The following LUZP2 variants were observed in gnomAD, a reference collection of about 807,000 sequenced individuals.
LUZP2 encodes leucine zipper protein 2.
In LUZP2, 52 loss-of-function variants were observed where a neutral mutation model predicts 51.6. The ratio of observed to expected loss-of-function variants is 1.01; its 90% CI spans 0.81 to 1.27. The LOEUF is 1.27. Ranked by LOEUF, LUZP2 falls within the 50% of genes most tolerant of loss-of-function variation. The pLI, the probability that LUZP2 is intolerant of heterozygous loss-of-function variation, is 0.00. For missense variants in LUZP2, 436 were observed against 395.4 expected (o/e 1.10, Z -0.87); for synonymous variants, 154 against 137.3 (o/e 1.12, Z -0.85).
At chr11:24,822,720 T>G (rs1850397013) in intron 5 of LUZP2, among the ~76,000 whole-genome samples, 1 of 152,202 alleles carries the variant, frequency 6.6e-6, no homozygotes, top group Non-Finnish European at 1.5e-5. Flanking sequence ...TAGGGTAGTA[T>G]TTCTCAATAT....
At chr11:24,547,399 C>A (rs1261636677) in intron 1 of LUZP2, among the ~76,000 whole-genome samples, 1 of 151,824 alleles carries the variant, frequency 6.6e-6, no homozygotes, top group Non-Finnish European at 1.5e-5. Flanking sequence ...GTTAGAGAAC[C>A]CAAAAGTAAA....
intron 1 of LUZP2, among the ~76,000 whole-genome samples, chr11:24,654,365 T>C (rs1855731340): frequency 6.6e-6 from 1 of 152,202 alleles, no homozygotes; most frequent in Non-Finnish European, 1.5e-5. Context: ...CTAGAAGTGA[T>C]GATTTAACTT....
intron 4 of LUZP2, among the ~76,000 whole-genome samples, chr11:24,751,852 C>G (rs1316674405): frequency 6.6e-6 from 1 of 151,854 alleles, no homozygotes; most frequent in African/African-American, 2.4e-5. Flanking sequence ...TTTAGTTAAG[C>G]ATGTTAAATA....
chr11:24,936,981 T>C (rs1310717477), intron 7 of LUZP2, among the ~76,000 whole-genome samples: 2 of 152,108 alleles, frequency 1.3e-5, no homozygotes, highest in African/African-American at 4.8e-5. Flanking sequence ...TATTATATCA[T>C]ATGTGAAAAC....
intron 1 of LUZP2, among the ~76,000 whole-genome samples, chr11:24,566,745 T>A (rs1157880727): frequency 1.4e-5 from 2 of 146,492 alleles, no homozygotes; most frequent in Non-Finnish European, 1.5e-5. Context: ...TTATATATAA[T>A]GTATGTATAC....
intron 1 of LUZP2, among the ~76,000 whole-genome samples, chr11:24,595,197 T>TAAC (rs1853401468): frequency 7.2e-6 from 1 of 139,336 alleles, no homozygotes; most frequent in African/African-American, 2.7e-5. Flanking sequence ...AAAAAAAAAG[T>TAAC]GTAGGTCACA....
chr11:24,620,882 T>C (rs1216934252), intron 1 of LUZP2, among the ~76,000 whole-genome samples: 1 of 152,206 alleles, frequency 6.6e-6, no homozygotes, highest in East Asian at 1.9e-4. Context: ...AGTGAGAACA[T>C]ATAAGATTAT....
At chr11:24,922,406 A>G (rs1854089158) in intron 7 of LUZP2, among the ~76,000 whole-genome samples, 2 of 152,166 alleles carry the variant, frequency 1.3e-5, no homozygotes, top group African/African-American at 4.8e-5. Context: ...AGATATCTAT[A>G]AGGGAATTTT....
At chr11:24,812,515 A>C (rs1463738386) in intron 5 of LUZP2, among the ~76,000 whole-genome samples, 1 of 152,208 alleles carries the variant, frequency 6.6e-6, no homozygotes, top group Non-Finnish European at 1.5e-5. Flanking sequence ...TCCAGATTCC[A>C]GAAGAGCCAC....
At position 24,826,190 on chromosome 11, in the gene LUZP2, A is replaced by AAAAAATATATATAT. The variant is rs1215786412; in HGVS notation, c.396+62883_396+62884insAAAATATATATATA. Among the ~76,000 whole-genome samples, 345 of 67,422 alleles carry AAAAAATATATATAT rather than the reference A, an allele frequency of 5.1e-3. 3 individuals carry two copies. Among genetic ancestry groups the AAAAAATATATATAT allele is most frequent in the African/African-American group, 0.011 (179 of 16,952 alleles). The allele number at this position is 67,422 out of a possible 152,430, so 44.2% of individuals were successfully genotyped here. On this transcript the variant is annotated intron_variant, in intron 5 of 11. Transcript: ENST00000336930. Reference sequence around the variant, plus strand: ...GACTCCATCTCAAAAAAAAAAAAAAAATATATATATATATATATAGTAAAA... The same window carrying AAAAAATATATATAT: ...GACTCCATCTCAAAAAAAAAAAAAAAAAAAATATATATATATATATATATATATATATAGTAAAA...
At chr11:24,718,265 A>G (rs1001220705) in intron 1 of LUZP2, among the ~76,000 whole-genome samples, 17 of 152,224 alleles carry the variant, frequency 1.1e-4, no homozygotes, top group African/African-American at 4.1e-4. Context: ...TCCGTATTCC[A>G]ATACTTAATG....
chr11:24,562,538 A>C (rs1852079300), intron 1 of LUZP2, among the ~76,000 whole-genome samples: 2 of 151,826 alleles, frequency 1.3e-5, no homozygotes, highest in South Asian at 4.2e-4. Context: ...CAGGGTAAGG[A>C]CCCATTAAAT....
In LUZP2 at chr11:24,509,972, C is replaced by T. The variant is rs141733801; in HGVS notation, c.62+12667C>T. Among the ~76,000 whole-genome samples, 282 of 152,212 alleles carry T rather than the reference C, an allele frequency of 1.9e-3. 1 individual carries two copies. The highest frequency in any genetic ancestry group is 6.2e-3 in the African/African-American group (259 of 41,514). On this transcript the variant is annotated intron_variant, in intron 1 of 11. Transcript: ENST00000336930. ...GGCAATGTGTGAGGGAGACATAATA[C>T]CTGGCATTTTTATAGTGTTTTAATT...
intron 5 of LUZP2, among the ~76,000 whole-genome samples, chr11:24,882,810 A>AGGAGGGAG: frequency 1.4e-5 from 1 of 70,196 alleles, no homozygotes; most frequent in Admixed American, 1.5e-4. Flanking sequence ...AAGGAAGGGA[A>AGGAGGGAG]GAAGGGAGGG....
intron 1 of LUZP2, among the ~76,000 whole-genome samples, chr11:24,542,519 A>T: frequency 6.6e-6 from 1 of 151,858 alleles, no homozygotes; most frequent in Non-Finnish European, 1.5e-5. Context: ...GGAATTTTCC[A>T]GTGTGTGAAA....
chr11:24,893,887 A>G (rs1478562658), intron 5 of LUZP2, among the ~76,000 whole-genome samples: 2 of 152,146 alleles, frequency 1.3e-5, no homozygotes, highest in Non-Finnish European at 2.9e-5. Context: ...ATTTAATATG[A>G]GCATCCATCC....
intron 3 of LUZP2, among the ~76,000 whole-genome samples, chr11:24,738,002 TA>T (rs150287288): frequency 8.8e-4 from 134 of 151,632 alleles, no homozygotes; most frequent in African/African-American, 2.7e-3. Context: ...TAAGGTTATT[TA>T]AAAAAAAATC....
intron 6 of LUZP2, among the ~76,000 whole-genome samples, chr11:24,909,851 GA>G (rs775382203): frequency 1.1e-4 from 17 of 152,126 alleles, no homozygotes; most frequent in Non-Finnish European, 2.2e-4. Context: ...AATGATACCT[GA>G]AAATGTGGAA....
intron 10 of LUZP2, among the ~76,000 whole-genome samples, chr11:25,061,519 GA>G (rs1472056317): frequency 6.6e-6 from 1 of 152,124 alleles, no homozygotes; most frequent in African/African-American, 2.4e-5. Context: ...TTGAATGGGT[GA>G]ACCGCATAGT....
Sources: gnomAD v4.1 joint callset for allele counts (sites outside exome capture counted in the v4.1 genomes callset) on GRCh38, gnomAD v4.1.1 for gene constraint, MANE v1.5 for transcripts, NCBI Gene and HGNC (gene_info 2026-07-23, HGNC 2026-07-21) for gene names.